DCAF12: variants seen among roughly 807,000 people sequenced by gnomAD.
The protein encoded by DCAF12 is DDB1- and CUL4-associated factor 12.
In DCAF12, 28 loss-of-function variants were observed where a neutral mutation model predicts 52.8. The ratio of observed to expected loss-of-function variants is 0.53; its 90% confidence interval spans 0.39 to 0.73. The LOEUF (loss-of-function observed/expected upper bound fraction) is 0.73. Ranked by LOEUF, DCAF12 falls within the 30% of genes least tolerant of loss-of-function variation. The pLI is 0.00. For missense variants in DCAF12, 425 were observed against 552.2 expected (o/e 0.77, Z 2.31); for synonymous variants, 196 against 215.5 (o/e 0.91, Z 0.79).
Position 34,086,526 on chromosome 9 carries a change from T to C in DCAF12, c.*1824A>G, listed in dbSNP as rs1245267819. ...ATAGTACAAAACATCCTACTGAAGA[T>C]TTTTTTTTTAAATATACAAGTCAGT... On this transcript the variant is annotated 3_prime_UTR_variant, in exon 9 of 9. Coordinates refer to ENST00000361264, the MANE Select transcript of DCAF12 (RefSeq NM_015397.4). 1 of 150,662 alleles carries C rather than the reference T, an allele frequency of 6.6e-6. No homozygotes were observed. The highest frequency in any genetic ancestry group is 1.5e-5 in the Non-Finnish European group (1 of 67,540). The allele number at this position is 150,662 out of a possible 1,614,324, so 9.3% of individuals were successfully genotyped here.
At chr9:34,097,256 CTTT>C (rs999860045) in intron 5 of DCAF12, among the ~76,000 whole-genome samples, 201 of 94,822 alleles carry the variant, frequency 2.1e-3, no homozygotes, top group Non-Finnish European at 3.7e-3. Context: ...TCTGACACTG[CTTT>C]TTTTTTTTTT....
In DCAF12 at chr9:34,100,198, CT is replaced by C. The variant is rs35820744; in HGVS notation, c.602-1682del. Among the ~76,000 whole-genome samples, 419 of 117,750 alleles carry C rather than the reference CT, an allele frequency of 3.6e-3. 2 individuals are homozygous for C. Among genetic ancestry groups the C allele is most frequent in the African/African-American group, 9.6e-3 (306 of 31,784 alleles). The allele number at this position is 117,750 out of a possible 152,430, so 77.2% of individuals were successfully genotyped here. Reference sequence around the variant, plus strand: ...AACAGGTATGCACCCCCATGACTGGCTTTTTTTTTTTTTTTTTTGAGATGGA... The same window carrying C: ...AACAGGTATGCACCCCCATGACTGGCTTTTTTTTTTTTTTTTTGAGATGGA... On this transcript the variant is annotated intron_variant, in intron 4 of 8. Transcript: ENST00000361264.
intron 2 of DCAF12, among the ~76,000 whole-genome samples, chr9:34,122,509 C>T (rs1829190848): frequency 7.0e-6 from 1 of 143,508 alleles, no homozygotes; most frequent in Non-Finnish European, 1.5e-5. Flanking sequence ...CGGAGTCTCA[C>T]TCTGTTGCCC....
At chr9:34,096,444 C>CA (rs754260641) in intron 6 of DCAF12, among the ~76,000 whole-genome samples, 3 of 151,562 alleles carry the variant, frequency 2.0e-5, no homozygotes, top group Non-Finnish European at 2.9e-5. Flanking sequence ...ACTAAAAATA[C>CA]AAAAAAAATA....
Position 34,109,760 on chromosome 9 carries a change from G to A in DCAF12, c.334-2195C>T, listed in dbSNP as rs566084569. The A allele has an allele frequency of 2.8e-4, 86 of 307,824 alleles. No individual in the cohort carries two copies. In the South Asian group the frequency reaches 2.8e-3, roughly 10 times the overall value. The allele number at this position is 307,824 out of a possible 1,614,324, so 19.1% of individuals were successfully genotyped here. ...CTGGCCCTGGAAGCTCAGGCAGGTG[G>A]TGACCCCACTCACAGTGCAGACACC... On this transcript the variant is annotated intron_variant, in intron 2 of 8. Coordinates refer to ENST00000361264, the MANE Select transcript of DCAF12 (RefSeq NM_015397.4).
chr9:34,125,334 T>A (rs1368989626), intron 1 of DCAF12, 57 bp from the exon 2 acceptor site: 1 of 1,582,244 alleles, frequency 6.3e-7, no homozygotes, highest in African/African-American at 1.4e-5. Context: ...GAACAGATCC[T>A]ACTGTATTAC....
chr9:34,123,755 T>C (rs1829207720), intron 2 of DCAF12, among the ~76,000 whole-genome samples: 1 of 152,118 alleles, frequency 6.6e-6, no homozygotes, highest in Non-Finnish European at 1.5e-5. Context: ...AACACTATGA[T>C]GCACGTGCGG....
chr9:34,097,839 A>G (rs1180877715), intron 5 of DCAF12, among the ~76,000 whole-genome samples: 8 of 151,968 alleles, frequency 5.3e-5, no homozygotes. Context: ...AATCTGAGGC[A>G]GAAGAATTGC....
chr9:34,121,663 G>A (rs996772495), intron 2 of DCAF12, among the ~76,000 whole-genome samples: 3 of 152,010 alleles, frequency 2.0e-5, no homozygotes, highest in South Asian at 2.1e-4. Context: ...CCCTCTTTTC[G>A]GCCAGGCGCG....
At chr9:34,091,235 G>A (rs1828639201) in intron 7 of DCAF12, among the ~76,000 whole-genome samples, 1 of 151,978 alleles carries the variant, frequency 6.6e-6, no homozygotes, top group Non-Finnish European at 1.5e-5. Flanking sequence ...GCTAAGGCAG[G>A]AGAATCGCTT....
chr9:34,105,812 G>A (rs1828895628), intron 4 of DCAF12, among the ~76,000 whole-genome samples: 1 of 149,996 alleles, frequency 6.7e-6, no homozygotes, highest in Non-Finnish European at 1.5e-5. Flanking sequence ...GCAGTGGCGC[G>A]ATCTCAGCTC....
At chr9:34,093,523 C>T in intron 6 of DCAF12, 75 bp from the exon 7 acceptor site, 1 of 1,499,268 alleles carries the variant, frequency 6.7e-7, no homozygotes, top group Non-Finnish European at 9.2e-7. Flanking sequence ...TGGACTCCCA[C>T]CTTGATGGGC....
intron 2 of DCAF12, among the ~76,000 whole-genome samples, chr9:34,119,198 C>T (rs1829134539): frequency 1.3e-5 from 2 of 152,212 alleles, no homozygotes; most frequent in Middle Eastern, 3.4e-3. Context: ...TACTTCGGTC[C>T]TTCTCACCGT....
chr9:34,101,507 C>T (rs907203633), intron 4 of DCAF12, among the ~76,000 whole-genome samples: 4 of 151,954 alleles, frequency 2.6e-5, no homozygotes, highest in Admixed American at 2.0e-4. Context: ...ATTCTCCTAC[C>T]TCAGCCTTCC....
At chr9:34,126,315 T>C in intron 1 of DCAF12, 39 bp downstream of exon 1, 1 of 1,608,184 alleles carries the variant, frequency 6.2e-7, no homozygotes, top group East Asian at 2.2e-5. Context: ...TCTTGGTTCC[T>C]CAGCCTCACC....
intron 2 of DCAF12, among the ~76,000 whole-genome samples, chr9:34,117,186 A>G (rs1343848838): frequency 3.9e-5 from 6 of 152,034 alleles, no homozygotes; most frequent in Non-Finnish European, 7.4e-5. Flanking sequence ...AGGATTTACA[A>G]TTATTTTGGA....
In DCAF12 at chr9:34,089,580, T is replaced by C; in HGVS notation, c.1035A>G (p.Ser345=). The change falls in exon 8 of 9, where the codon TCA becomes TCG. Residue 345 remains serine, a synonymous_variant. Transcript: ENST00000361264. The stretch of plus-strand genomic sequence containing the variant: ...TGATGATGTGCTCGTAGAAACTCAC[T>C]GACCGGATTCCTGAAAGACAGAAAA... ...CSRERGSGIR[S]VSFYEHIITV... 2 of 1,603,644 alleles carry C rather than the reference T, an allele frequency of 1.2e-6. No homozygotes were observed. The highest frequency in any genetic ancestry group is 1.7e-5 in the Admixed American group (1 of 58,180).
intron 2 of DCAF12, among the ~76,000 whole-genome samples, chr9:34,123,764 G>A (rs866399483): frequency 6.6e-6 from 1 of 151,972 alleles, no homozygotes; most frequent in African/African-American, 2.4e-5. Flanking sequence ...ATGCACGTGC[G>A]GGGAGTGGAA....
rs1234542589 is a variant in DCAF12 at position 34,108,793 on chromosome 9, C to CAAAAAA, written c.334-1234_334-1229dup. Among the ~76,000 whole-genome samples, 607 of 81,220 alleles carry CAAAAAA rather than the reference C, an allele frequency of 7.5e-3. 3 individuals are homozygous for CAAAAAA. The highest frequency in any genetic ancestry group is 0.012 in the Non-Finnish European group (446 of 36,456). 53.3% of individuals were successfully genotyped at this position (81,220 alleles called of 152,430 possible). The stretch of plus-strand genomic sequence containing the variant: ...AGTGTGAGACTGTGAGACTTGGTCT[C>CAAAAAA]AAAAAAAATAAATAAATAAATATAT... On this transcript the variant is annotated intron_variant, in intron 2 of 8. Transcript: ENST00000361264.
Sources: allele counts gnomAD v4.1 joint callset (sites outside exome capture counted in the v4.1 genomes callset), GRCh38; gene constraint gnomAD v4.1.1; transcripts MANE v1.5; gene names NCBI Gene and HGNC (gene_info 2026-07-23, HGNC 2026-07-21).